Variants in PDGFRB observed in about 807,000 individuals in gnomAD.
PDGFRB encodes the protein platelet-derived growth factor receptor beta.
In PDGFRB, 42 loss-of-function variants were observed where a neutral mutation model predicts 120.2. The ratio of observed to expected loss-of-function variants is 0.35; its 90% CI spans 0.27 to 0.45. The LOEUF is 0.45. PDGFRB is among the 20% of genes least tolerant of loss of function. The pLI is 1.00. For missense variants in PDGFRB, 1,149 were observed against 1,476.3 expected, an observed-to-expected ratio of 0.78 and a Z score of 3.63; for synonymous variants, 586 against 606.8, an observed-to-expected ratio of 0.97 and a Z score of 0.50.
intron 1 of PDGFRB, among the ~76,000 whole-genome samples, chr5:150,148,855 G>C (rs17110951): frequency 0.055 from 8,381 of 152,226 alleles, 269 homozygotes; most frequent in Admixed American, 0.074. Context: ...TGAGTTTTTT[G>C]GCAGATGATG....
chr5:150,124,070 T>G, intron 14 of PDGFRB, 180 bp downstream of exon 14: 3 of 425,170 alleles, frequency 7.1e-6, no homozygotes, highest in East Asian at 3.6e-5. Flanking sequence ...GGTGTTGTGA[T>G]TTTGTGAGTT....
intron 8 of PDGFRB, 69 bp from the exon 9 acceptor site, chr5:150,130,731 G>A (rs1760442489): frequency 7.0e-7 from 1 of 1,428,710 alleles, no homozygotes; most frequent in South Asian, 1.2e-5. Context: ...GTCCTCAGGG[G>A]AGGACCTGGC....
intron 1 of PDGFRB, among the ~76,000 whole-genome samples, chr5:150,141,324 T>C (rs1760778199): frequency 1.3e-5 from 2 of 152,318 alleles, no homozygotes; most frequent in Admixed American, 1.3e-4. Context: ...GCCATATGCA[T>C]GAACAGACAA....
At position 150,148,592 on chromosome 5, in the gene PDGFRB, T is replaced by C. The variant is rs550127458; in HGVS notation, c.-7+6805A>G. Among the ~76,000 whole-genome samples the C allele has an allele frequency of 2.0e-5, 3 of 152,384 alleles. No homozygotes were observed. In the East Asian group the frequency reaches 5.8e-4, roughly 29 times the overall value. On this transcript the variant is annotated intron_variant, in intron 1 of 22. Transcript: ENST00000261799. ...CCAGGCTGGGAGCAGTGGTTCCAGC[T>C]GGAAGCCACTTATTCCTGGGTCCAA...
chr5:150,125,375 C>A, intron 12 of PDGFRB, 70 bp downstream of exon 12: 1 of 1,418,152 alleles, frequency 7.1e-7, no homozygotes. Context: ...AAGGCTGGGA[C>A]CAGACCTCAG....
At chr5:150,130,349 G>A (rs552599771) in intron 9 of PDGFRB, among the ~76,000 whole-genome samples, 190 bp downstream of exon 9, 2 of 152,276 alleles carry the variant, frequency 1.3e-5, no homozygotes, top group East Asian at 3.9e-4. Flanking sequence ...ACTGCCCAGG[G>A]GTAAAGGTAA....
chr5:150,133,773 G>A lies in PDGFRB; in HGVS notation c.760-13C>T. On this transcript the variant is annotated splice_polypyrimidine_tract_variant and intron_variant, in intron 5 of 22. Transcript: ENST00000261799. Reference sequence around the variant, plus strand: ...CCAGCCGCCCACTCTGCAGCAACAGGTTGGGCAGGCCCCCCAAATCAGGAG... The same window carrying A: ...CCAGCCGCCCACTCTGCAGCAACAGATTGGGCAGGCCCCCCAAATCAGGAG... 6.2e-7 allele frequency: 1 copy of A among 1,613,534 alleles called. No individual in the cohort carries two copies. The highest frequency in any genetic ancestry group is 8.5e-7 in the Non-Finnish European group (1 of 1,179,474).
intron 1 of PDGFRB, among the ~76,000 whole-genome samples, chr5:150,151,522 G>A (rs1469992182): frequency 6.6e-6 from 1 of 152,190 alleles, no homozygotes; most frequent in Non-Finnish European, 1.5e-5. Flanking sequence ...CCGAGCTGTG[G>A]GACTTTAGGC....
chr5:150,124,758 G>T lies in PDGFRB; in HGVS notation c.1881C>A (p.Ala627=). The T allele has an allele frequency of 6.2e-7, 1 of 1,601,008 alleles. No homozygotes were observed. Among genetic ancestry groups the T allele is most frequent in the African/African-American group, 1.3e-5 (1 of 74,734 alleles). ...GCATCTTGACGGCCACTTTCATCGTGGCCTGAGAATGGCTCAGGCCATGAG... is the reference window on the plus strand; with the variant it reads ...GCATCTTGACGGCCACTTTCATCGTTGCCTGAGAATGGCTCAGGCCATGAG... The part of the protein sequence containing the change: ...ATAHGLSHSQ[A]TMKVAVKMLK... Residue 627 remains alanine, a synonymous_variant, in exon 13 of 23, where the codon GCC becomes GCA. Transcript: ENST00000261799.
In PDGFRB at chr5:150,129,832, G is replaced by T. The variant is rs142992960; in HGVS notation, c.1504C>A (p.Arg502=). 1 of 1,614,098 alleles carries T rather than the reference G, an allele frequency of 6.2e-7. No homozygotes were observed. Among genetic ancestry groups the T allele is most frequent in the Non-Finnish European group, 8.5e-7 (1 of 1,180,024 alleles). ...AGCGTGCAGCGCACCGACAGTGGCC[G>T]ATCCACGTGCTGCAGACGCAGTGTG... ...VSTLRLQHVD[R]PLSVRCTLRN... Residue 502 remains arginine (R), a synonymous_variant, in exon 10 of 23, where the codon CGG becomes AGG. Coordinates refer to ENST00000261799, the MANE Select transcript of PDGFRB (RefSeq NM_002609.4).
At chr5:150,138,786 G>A (rs1453319205) in intron 1 of PDGFRB, among the ~76,000 whole-genome samples, 2 of 152,196 alleles carry the variant, frequency 1.3e-5, no homozygotes, top group Admixed American at 6.5e-5. Flanking sequence ...CCCCTCCGTC[G>A]GTGCCCCTCT....
At chr5:150,117,537 C>CT (rs767470563) in intron 22 of PDGFRB, 81 bp downstream of exon 22, 136 of 590,036 alleles carry the variant, frequency 2.3e-4, no homozygotes, top group Non-Finnish European at 2.6e-5. Flanking sequence ...AGCGCGCGCG[C>CT]GCGCGCGCAC....
At chr5:150,146,636 A>G (rs889522529) in intron 1 of PDGFRB, among the ~76,000 whole-genome samples, 5 of 152,060 alleles carry the variant, frequency 3.3e-5, no homozygotes, top group African/African-American at 1.2e-4. Flanking sequence ...ACAGCTCACT[A>G]TAGCCTCAAA....
At position 150,121,069 on chromosome 5, in the gene PDGFRB, A is replaced by C. The variant is rs558511948; in HGVS notation, c.2464-59T>G. 4.4e-6 allele frequency: 7 copies of C among 1,582,016 alleles called. 1 individual carries two copies. The South Asian group carries it at 7.7e-5, about 18-fold the overall frequency. On this transcript the variant is annotated intron_variant, in intron 17 of 22. Transcript: ENST00000261799. The surrounding 1 kb of genome is among the most constrained non-coding windows in gnomAD (Gnocchi z 4.1). Reference sequence around the variant, plus strand: ...GGACAATTGTGGGGAAAGACCCTTCATGTCAAGGGCTTTGGGAAAATACAA... The same window carrying C: ...GGACAATTGTGGGGAAAGACCCTTCCTGTCAAGGGCTTTGGGAAAATACAA...
Position 150,135,645 on chromosome 5 carries a change from C to A in PDGFRB, c.274G>T (p.Gly92Trp), listed in dbSNP as rs141870925. 5.0e-6 allele frequency: 8 copies of A among 1,613,850 alleles called. No homozygotes were observed. The highest frequency in any genetic ancestry group is 1.3e-5 in the African/African-American group (1 of 74,904). Residue 92 changes from glycine to tryptophan, a missense_variant, in exon 3 of 23, where the codon GGG (glycine) becomes TGG (tryptophan). Physicochemically the swap from Gly to Trp is radical, Grantham distance 184. Around this residue, in one of 3 missense-constraint regions of PDGFRB, gnomAD observed 879 missense variants for 1,108.6 expected, o/e 0.79. Transcript: ENST00000261799. ...SSVLTLTNLT[G>W]LDTGEYFCTH... Reference sequence around the variant, plus strand: ...CAAAAGTATTCTCCCGTGTCTAGCCCAGTGAGGTTGGTCAGTGTGAGCACG... The same window carrying A: ...CAAAAGTATTCTCCCGTGTCTAGCCAAGTGAGGTTGGTCAGTGTGAGCACG...
rs144647473 is a variant in PDGFRB, at chr5:150,114,923, C to A, written c.*840G>T. On this transcript the variant is annotated 3_prime_UTR_variant, in exon 23 of 23. Transcript: ENST00000261799. The stretch of plus-strand genomic sequence containing the variant: ...ATACTGGCACACACACGTGGCCACT[C>A]CACACTGGCACATTTACATTCTCAT... The A allele has an allele frequency of 3.0e-4, 71 of 233,320 alleles. No homozygotes were observed. The highest frequency in any genetic ancestry group is 1.4e-4 in the Non-Finnish European group (16 of 118,062). 14.5% of individuals were successfully genotyped at this position (233,320 alleles called of 1,614,324 possible).
chr5:150,115,830 T>TCCGG lies in PDGFRB; in HGVS notation c.3253_3254insCCGG (p.Glu1085AlafsTer21), dbSNP rs1759911099. 3.1e-6 allele frequency: 5 copies of TCCGG among 1,612,830 alleles called. No homozygotes were observed. Among genetic ancestry groups the TCCGG allele is most frequent in the Non-Finnish European group, 3.4e-6 (4 of 1,179,342 alleles). ...CCCCGAATCCGGCAACTGTTCCAGC[T>TCCGG]CTGGCTCCGGCTCCACCTGGAGCTC... On this transcript the variant is annotated frameshift_variant, in exon 23 of 23. Transcript: ENST00000261799. LOFTEE classifies it low-confidence loss of function (END_TRUNC).
At chr5:150,124,018 A>G (rs113046550) in intron 14 of PDGFRB, among the ~76,000 whole-genome samples, 5 of 152,376 alleles carry the variant, frequency 3.3e-5, no homozygotes, top group Non-Finnish European at 5.9e-5. Flanking sequence ...ATGGTCTGGA[A>G]GCTGCTGGGA....
At chr5:150,141,693 G>C (rs67069374) in intron 1 of PDGFRB, among the ~76,000 whole-genome samples, 16,965 of 152,184 alleles carry the variant, frequency 0.11, 1,023 homozygotes, top group East Asian at 0.24. Context: ...TAATATTGAG[G>C]GGCTGGAGAG....
Sources: allele counts gnomAD v4.1 joint callset (sites outside exome capture counted in the v4.1 genomes callset), GRCh38; gene constraint gnomAD v4.1.1; regional missense constraint gnomAD v4.1.1; non-coding constraint Gnocchi (gnomAD v3.1); transcripts MANE v1.5; gene names NCBI Gene and HGNC (gene_info 2026-07-23, HGNC 2026-07-21).